Variants in PARD3B observed in about 807,000 individuals in gnomAD.
PARD3B encodes the protein par-3 family cell polarity regulator beta.
Under a neutral mutation model 130.2 loss-of-function variants are expected in PARD3B, and 103 were observed. The observed-to-expected ratio is 0.79, with a 90% CI of 0.67 to 0.93. PARD3B has a LOEUF of 0.93. Ranked by LOEUF, PARD3B falls within the 40% of genes least tolerant of loss-of-function variation. The probability of loss-of-function intolerance (pLI) is 0.00; values close to 1 mark genes in which losing one functional copy is unlikely to be tolerated. For synonymous variants in PARD3B, 583 were observed against 553.2 expected, an observed-to-expected ratio of 1.05 and a Z score of -0.76; for missense variants, 1,609 against 1,499.2, an observed-to-expected ratio of 1.07 and a Z score of -1.21.
intron 2 of PARD3B, among the ~76,000 whole-genome samples, chr2:204,802,693 G>A (rs904093121): frequency 3.3e-5 from 5 of 152,216 alleles, no homozygotes; most frequent in South Asian, 4.2e-4. Flanking sequence ...CCTTTGCAGG[G>A]ACATGGATGA....
At chr2:204,748,271 C>T (rs564341550) in intron 2 of PARD3B, among the ~76,000 whole-genome samples, 11 of 152,070 alleles carry the variant, frequency 7.2e-5, no homozygotes, top group South Asian at 2.1e-4. Flanking sequence ...AGTTCATACA[C>T]GTAAAAATTG....
At chr2:205,311,981 G>A (rs16837176) in intron 18 of PARD3B, among the ~76,000 whole-genome samples, 7,507 of 152,236 alleles carry the variant, frequency 0.049, 432 homozygotes, top group African/African-American at 0.14. Flanking sequence ...AGGTTGTCCT[G>A]TAATACATTA....
intron 13 of PARD3B, among the ~76,000 whole-genome samples, chr2:205,179,031 G>T (rs1399589432): frequency 6.6e-6 from 1 of 152,136 alleles, no homozygotes; most frequent in Non-Finnish European, 1.5e-5. Context: ...CTTCCAGTGG[G>T]ATAAGATATG....
In PARD3B at chr2:205,550,976, TACACAC is replaced by T. The variant is rs201422555; in HGVS notation, c.3181-2326_3181-2321del. 3.9e-3 allele frequency among the ~76,000 whole-genome samples: 485 copies of T among 125,520 alleles called. 10 individuals are homozygous for T. Among genetic ancestry groups the T allele is most frequent in the African/African-American group, 0.013 (435 of 32,260 alleles). 82.3% of individuals were successfully genotyped at this position (125,520 alleles called of 152,430 possible). On this transcript the variant is annotated intron_variant, in intron 21 of 22. Coordinates refer to ENST00000406610, the MANE Select transcript of PARD3B (RefSeq NM_001302769.2). The surrounding 1 kb of genome is among the most constrained non-coding windows in gnomAD (Gnocchi z 4.5). ...ATGTGTATATATATATATATATATATACACACACACACACACACACACACACATAAT... is the reference window on the plus strand; with the variant it reads ...ATGTGTATATATATATATATATATATACACACACACACACACACACATAAT...
intron 19 of PARD3B, among the ~76,000 whole-genome samples, chr2:205,428,405 G>T (rs568379791): frequency 1.3e-5 from 2 of 151,928 alleles, no homozygotes; most frequent in African/African-American, 4.8e-5. Flanking sequence ...ATAAAAAGAG[G>T]CCCCAGAGAG....
At chr2:204,856,317 A>G (rs989188314) in intron 2 of PARD3B, among the ~76,000 whole-genome samples, 1 of 152,068 alleles carries the variant, frequency 6.6e-6, no homozygotes, top group African/African-American at 2.4e-5. Context: ...CATTATTTTC[A>G]TATATATTTT....
At chr2:205,398,308 A>AAAAAG (rs538666424) in intron 18 of PARD3B, among the ~76,000 whole-genome samples, 1 of 151,722 alleles carries the variant, frequency 6.6e-6, no homozygotes, top group African/African-American at 2.4e-5. Flanking sequence ...TCTCAACAAA[A>AAAAAG]AAAGAAAGAA....
intron 2 of PARD3B, among the ~76,000 whole-genome samples, chr2:204,730,540 T>A (rs2039460696): frequency 7.1e-6 from 1 of 140,678 alleles, no homozygotes; most frequent in Non-Finnish European, 1.5e-5. Flanking sequence ...TATACCATCC[T>A]CCTAAAAGCA....
At chr2:205,285,364 A>G (rs138623361) in intron 16 of PARD3B, among the ~76,000 whole-genome samples, 18 of 152,274 alleles carry the variant, frequency 1.2e-4, no homozygotes, top group African/African-American at 4.1e-4. Flanking sequence ...GGCAATACCC[A>G]CTCAGAGCAA....
chr2:205,023,773 A>G (rs191111124), intron 3 of PARD3B, among the ~76,000 whole-genome samples: 27 of 152,090 alleles, frequency 1.8e-4, no homozygotes, highest in Non-Finnish European at 3.8e-4. Context: ...GCATGGATGA[A>G]CTCAATCATT....
chr2:205,574,578 A>G (rs933475828), intron 22 of PARD3B, among the ~76,000 whole-genome samples: 1 of 152,094 alleles, frequency 6.6e-6, no homozygotes, highest in Non-Finnish European at 1.5e-5. Context: ...TCTAGCAGTA[A>G]AACCCCCGTT....
chr2:205,517,653 T>C (rs2050849384), intron 21 of PARD3B, among the ~76,000 whole-genome samples: 1 of 152,202 alleles, frequency 6.6e-6, no homozygotes, highest in African/African-American at 2.4e-5. Flanking sequence ...GCTTCTCTGA[T>C]TCTTTCAGTT....
intron 2 of PARD3B, among the ~76,000 whole-genome samples, chr2:204,844,192 A>G (rs1046424979): frequency 6.6e-6 from 1 of 152,132 alleles, no homozygotes; most frequent in African/African-American, 2.4e-5. Context: ...TTTAATCCAA[A>G]TTTGTGCCAA....
chr2:204,632,133 T>A (rs942478552), intron 1 of PARD3B, among the ~76,000 whole-genome samples: 1 of 152,188 alleles, frequency 6.6e-6, no homozygotes, highest in East Asian at 1.9e-4. Context: ...CTCGCAATCA[T>A]GAGATGTCAT....
At chr2:205,007,969 G>A (rs545821344) in intron 3 of PARD3B, among the ~76,000 whole-genome samples, 3 of 152,186 alleles carry the variant, frequency 2.0e-5, no homozygotes, top group African/African-American at 7.2e-5. Flanking sequence ...AAAAGATTGA[G>A]TTCCTGGTTT....
At chr2:205,477,211 G>A (rs1052136121) in intron 20 of PARD3B, among the ~76,000 whole-genome samples, 1 of 152,152 alleles carries the variant, frequency 6.6e-6, no homozygotes, top group African/African-American at 2.4e-5. Context: ...TGGTTATTAT[G>A]TAATTCATTA....
At chr2:204,955,150 A>C (rs910163038) in intron 2 of PARD3B, among the ~76,000 whole-genome samples, 2 of 152,252 alleles carry the variant, frequency 1.3e-5, no homozygotes, top group African/African-American at 4.8e-5. Context: ...CATTAGTACA[A>C]ATAAGCAGCG....
Position 205,380,728 on chromosome 2 carries a change from T to C in PARD3B, c.2631-20285T>C, listed in dbSNP as rs1435747968. Among the ~76,000 whole-genome samples, 3 of 101,614 alleles carry C rather than the reference T, an allele frequency of 3.0e-5. No homozygotes were observed. In the Admixed American group the frequency reaches 4.7e-4, roughly 16 times the overall value. 66.7% of individuals were successfully genotyped at this position (101,614 alleles called of 152,430 possible). On this transcript the variant is annotated intron_variant, in intron 18 of 22. Coordinates refer to ENST00000406610, the MANE Select transcript of PARD3B (RefSeq NM_001302769.2). ...GAATATACATTATATATACTATATATAAAGAATATACATTATATATACTAT... is the reference window on the plus strand; with the variant it reads ...GAATATACATTATATATACTATATACAAAGAATATACATTATATATACTAT...
chr2:204,974,614 C>G (rs952552400), intron 3 of PARD3B, among the ~76,000 whole-genome samples: 2 of 152,082 alleles, frequency 1.3e-5, no homozygotes, highest in Non-Finnish European at 2.9e-5. Flanking sequence ...ACTTTTTACC[C>G]CAGAGATCTG....
Sources: gnomAD v4.1 joint callset for allele counts (sites outside exome capture counted in the v4.1 genomes callset) on GRCh38, gnomAD v4.1.1 for gene constraint, Gnocchi (gnomAD v3.1) non-coding constraint, MANE v1.5 for transcripts, NCBI Gene and HGNC (gene_info 2026-07-23, HGNC 2026-07-21) for gene names.